Variants in VPS13C observed in about 807,000 individuals in gnomAD.
The protein encoded by VPS13C is intermembrane lipid transfer protein VPS13C.
Under a neutral mutation model 456.8 loss-of-function variants are expected in VPS13C, and 358 were observed. That is an observed-to-expected ratio of 0.78 (90% CI 0.72 to 0.86). VPS13C has a LOEUF of 0.86. Among genes scored for constraint, VPS13C ranks in the 40% least tolerant of loss-of-function variants. VPS13C has a pLI of 0.00. For missense variants in VPS13C, 4,818 were observed against 4,385.4 expected (o/e 1.10, Z -2.79); for synonymous variants, 1,578 against 1,486.7 (o/e 1.06, Z -1.41).
intron 3 of VPS13C, among the ~76,000 whole-genome samples, chr15:62,036,995 C>T (rs528602495): frequency 7.2e-6 from 1 of 138,270 alleles, no homozygotes; most frequent in East Asian, 2.1e-4. Flanking sequence ...CTCTGTAAAC[C>T]AAAAAAAAAA....
At chr15:61,974,529 A>T in intron 24 of VPS13C, 112 bp from the exon 25 acceptor site, 1 of 1,130,352 alleles carries the variant, frequency 8.8e-7, no homozygotes, top group Admixed American at 2.5e-5. Context: ...ACATGTTTTA[A>T]TCTAATTACA....
chr15:61,888,270 T>G (rs1896412591), intron 67 of VPS13C, among the ~76,000 whole-genome samples: 1 of 152,226 alleles, frequency 6.6e-6, no homozygotes, highest in African/African-American at 2.4e-5. Context: ...TGCAACCACT[T>G]TGTAAGATAA....
At chr15:61,969,942 G>A (rs1365072457) in intron 27 of VPS13C, among the ~76,000 whole-genome samples, 2 of 151,940 alleles carry the variant, frequency 1.3e-5, no homozygotes, top group Non-Finnish European at 1.5e-5. Context: ...TAATCAAAAG[G>A]TGTAGATCTT....
intron 18 of VPS13C, among the ~76,000 whole-genome samples, chr15:61,987,005 C>T (rs555046793): frequency 1.2e-4 from 18 of 151,850 alleles, no homozygotes; most frequent in Admixed American, 2.0e-4. Context: ...TCAGGTAGAA[C>T]GAAAATTACT....
rs780912771 is a variant in VPS13C, at chr15:61,966,145, G to GA, written c.2992-4dup. On this transcript the variant is annotated splice_region_variant and splice_polypyrimidine_tract_variant and intron_variant, in intron 29 of 84. Transcript: ENST00000644861. ...AAACTAGGTCCATTCTTATCAGCCT[G>GA]AAAAAAGAAGTAAAAGTTCTAAAGA... is the stretch of plus-strand genomic sequence containing the variant. 1.9e-6 allele frequency: 3 copies of GA among 1,598,256 alleles called. No homozygotes were observed. The highest frequency in any genetic ancestry group is 2.6e-6 in the Non-Finnish European group (3 of 1,171,868).
At chr15:62,047,789 T>C (rs1296806297) in intron 1 of VPS13C, among the ~76,000 whole-genome samples, 1 of 152,226 alleles carries the variant, frequency 6.6e-6, no homozygotes, top group Non-Finnish European at 1.5e-5. Flanking sequence ...GCAGTGTCAT[T>C]ACATATCCTA....
At chr15:61,923,208 G>GAA (rs11377834) in intron 53 of VPS13C, among the ~76,000 whole-genome samples, 222 of 139,854 alleles carry the variant, frequency 1.6e-3, no homozygotes, top group African/African-American at 2.3e-3. Flanking sequence ...AAGATCTTCT[G>GAA]AAAAAAAAAA....
intron 27 of VPS13C, among the ~76,000 whole-genome samples, chr15:61,970,534 G>C (rs561384572): frequency 6.6e-6 from 1 of 152,244 alleles, no homozygotes; most frequent in South Asian, 2.1e-4. Context: ...GGTGGCTCAT[G>C]CCTGTAATCC....
At chr15:61,944,527 C>T (rs992075451) in intron 45 of VPS13C, among the ~76,000 whole-genome samples, 22 of 152,086 alleles carry the variant, frequency 1.4e-4, no homozygotes, top group Admixed American at 1.2e-3. Context: ...AGCAAATTAA[C>T]GCACGAACAG....
At chr15:61,878,771 A>C (rs763611290) in intron 73 of VPS13C, 25 bp from the exon 74 acceptor site, 16 of 1,586,492 alleles carry the variant, frequency 1.0e-5, no homozygotes, top group Non-Finnish European at 1.2e-5. Flanking sequence ...ATGTTCAATA[A>C]ATGAAAGCTA....
chr15:62,055,225 C>T (rs1014047430), intron 1 of VPS13C, among the ~76,000 whole-genome samples: 3 of 150,480 alleles, frequency 2.0e-5, no homozygotes, highest in Non-Finnish European at 4.4e-5. Flanking sequence ...TTTCCCCAAC[C>T]TTCTCAACCT....
intron 65 of VPS13C, among the ~76,000 whole-genome samples, chr15:61,908,785 T>C (rs558141047): frequency 1.3e-5 from 2 of 152,228 alleles, no homozygotes; most frequent in Non-Finnish European, 2.9e-5. Flanking sequence ...TCCCATTTGA[T>C]GTGAATATTC....
At chr15:62,039,824 A>G (rs2048182421) in intron 3 of VPS13C, among the ~76,000 whole-genome samples, 1 of 152,174 alleles carries the variant, frequency 6.6e-6, no homozygotes, top group Admixed American at 6.5e-5. Flanking sequence ...CTAAAAATAG[A>G]ACTACCATAT....
chr15:61,961,253 A>G (rs1257136457), intron 35 of VPS13C, among the ~76,000 whole-genome samples: 1 of 151,714 alleles, frequency 6.6e-6, no homozygotes, highest in Non-Finnish European at 1.5e-5. Flanking sequence ...TTAGCCAGGC[A>G]TGGTAGCACA....
chr15:61,900,368 C>A (rs1168663680), intron 66 of VPS13C, among the ~76,000 whole-genome samples: 1 of 152,058 alleles, frequency 6.6e-6, no homozygotes, highest in Non-Finnish European at 1.5e-5. Flanking sequence ...AAAACCCCAC[C>A]GTCTCAGCCC....
In VPS13C at chr15:61,886,116, T is replaced by C. The variant is rs192533964; in HGVS notation, c.9342-1847A>G. 1.4e-4 allele frequency among the ~76,000 whole-genome samples: 22 copies of C among 152,290 alleles called. No homozygotes were observed. The East Asian group carries it at 4.2e-3, about 29-fold the overall frequency. ...CTTTAGCTGCTGCAATCAGACACAATTCAATTAACTCACTATTGGTAAAAG... is the reference window on the plus strand; with the variant it reads ...CTTTAGCTGCTGCAATCAGACACAACTCAATTAACTCACTATTGGTAAAAG... On this transcript the variant is annotated intron_variant, in intron 67 of 84. Coordinates refer to ENST00000644861, the MANE Select transcript of VPS13C (RefSeq NM_020821.3).
At chr15:61,948,381 G>GT (rs1204097706) in intron 42 of VPS13C, among the ~76,000 whole-genome samples, 1 of 151,862 alleles carries the variant, frequency 6.6e-6, no homozygotes, top group East Asian at 1.9e-4. Flanking sequence ...CTGTTCCATG[G>GT]TTTAAAAAAA....
At chr15:61,901,885 G>A (rs534210827) in intron 66 of VPS13C, among the ~76,000 whole-genome samples, 2 of 152,128 alleles carry the variant, frequency 1.3e-5, no homozygotes, top group South Asian at 2.1e-4. Flanking sequence ...ATGATAGACT[G>A]GATTAAGAAA....
At position 61,875,187 on chromosome 15, in the gene VPS13C, T is replaced by C. The variant is rs1023450575; in HGVS notation, c.10339-236A>G. On this transcript the variant is annotated intron_variant, in intron 76 of 84. Transcript: ENST00000644861. ...AAGTCAAAAATTGGATAGGTATAAA[T>C]CACTGGCTTCAATTACAATTTGAAG... Among the ~76,000 whole-genome samples the C allele has an allele frequency of 1.3e-4, 20 of 152,190 alleles. No homozygotes were observed. The East Asian group carries it at 3.9e-3, about 29-fold the overall frequency.
Sources: gnomAD v4.1 joint callset for allele counts (sites outside exome capture counted in the v4.1 genomes callset) on GRCh38, gnomAD v4.1.1 for gene constraint, MANE v1.5 for transcripts, NCBI Gene and HGNC (gene_info 2026-07-23, HGNC 2026-07-21) for gene names.